The following FGD2 variants were observed in gnomAD, a reference collection of about 807,000 sequenced individuals.
FGD2 encodes the protein FYVE, RhoGEF and PH domain-containing protein 2.
In FGD2, 52 loss-of-function variants were observed where a neutral mutation model predicts 75.9. The observed-to-expected ratio is 0.69, with a 90% CI of 0.55 to 0.86. The LOEUF (loss-of-function observed/expected upper bound fraction) is 0.86, where lower values mean the gene tolerates loss of function less well. Among genes scored for constraint, FGD2 ranks in the 40% least tolerant of loss-of-function variants. The pLI, the probability that FGD2 is intolerant of heterozygous loss-of-function variation, is 0.00. For missense variants in FGD2, 790 were observed against 872.0 expected (o/e 0.91, Z 1.18); for synonymous variants, 347 against 348.6 (o/e 1.00, Z 0.05).
rs1288079879 is a variant in FGD2 at position 37,014,895 on chromosome 6, C to T, written c.886C>T (p.Arg296Trp). The change falls in exon 8 of 16, where the codon CGG (arginine) becomes TGG (tryptophan). Residue 296 changes from arginine (R) to tryptophan (W), a missense_variant. Arg to Trp is a moderately radical substitution (Grantham distance 101, BLOSUM62 -3). Transcript: ENST00000274963. ...AGGATGCACCCCAACCCCCTAGGAG[C>T]GGCTGCAGGACCTGTGGGAGGTGTA... ...HSNAAITEME[R>W]LQDLWEVYQR... 1.1e-5 allele frequency: 17 copies of T among 1,613,446 alleles called. No homozygotes were observed. Among genetic ancestry groups the T allele is most frequent in the Middle Eastern group, 1.7e-4 (1 of 6,052 alleles).
At position 37,016,433 on chromosome 6, in the gene FGD2, A is replaced by C. The variant is rs544850368; in HGVS notation, c.1122+573A>C. Among the ~76,000 whole-genome samples the C allele has an allele frequency of 2.3e-3, 357 of 152,120 alleles. 2 individuals are homozygous for C. The highest frequency in any genetic ancestry group is 7.4e-3 in the African/African-American group (306 of 41,496). ...TCCCCATCTACCTCATCCAGAGATTATGGCAAATGAGCAGGGCCAGTAGTC... is the reference window on the plus strand; with the variant it reads ...TCCCCATCTACCTCATCCAGAGATTCTGGCAAATGAGCAGGGCCAGTAGTC... On this transcript the variant is annotated intron_variant, in intron 9 of 15. Transcript: ENST00000274963.
chr6:37,013,170 C>T (rs1765107455), intron 4 of FGD2: 1 of 158,068 alleles, frequency 6.3e-6, no homozygotes, highest in African/African-American at 2.4e-5. Flanking sequence ...CTGGCCAATC[C>T]TGGAGAAGTT....
At chr6:37,020,254 T>C (rs556119040) in intron 9 of FGD2, among the ~76,000 whole-genome samples, 10 of 152,390 alleles carry the variant, frequency 6.6e-5, no homozygotes, top group African/African-American at 2.2e-4. Context: ...ATTTCCTTTT[T>C]TGTTGAATCC....
rs780756676 is a variant in FGD2 at position 37,025,876 on chromosome 6, G to A, written c.1543G>A (p.Ala515Thr). ...CAACCGAGTCTGCCTCCACTGCTAC[G>A]CATTCCTCACTGGAAATGTGCTGCC... ...RPNRVCLHCY[A>T]FLTGNVLPEA... The change falls in exon 14 of 16, where the codon GCA becomes ACA. Residue 515 changes from alanine (A) to threonine (T), a missense_variant. Coordinates refer to ENST00000274963, the MANE Select transcript of FGD2 (RefSeq NM_173558.4). 3.4e-5 allele frequency: 55 copies of A among 1,614,206 alleles called. No individual in the cohort carries two copies. The highest frequency in any genetic ancestry group is 4.5e-5 in the East Asian group (2 of 44,878).
intron 6 of FGD2, 107 bp from the exon 7 acceptor site, chr6:37,014,539 G>A (rs1053843626): frequency 3.9e-6 from 5 of 1,292,874 alleles, no homozygotes; most frequent in African/African-American, 1.5e-5. Flanking sequence ...GCTCCTGGGG[G>A]CTGTCATGGC....
chr6:37,016,281 G>T (rs1261965387), intron 9 of FGD2, among the ~76,000 whole-genome samples: 3 of 152,184 alleles, frequency 2.0e-5, no homozygotes, highest in Non-Finnish European at 4.4e-5. Context: ...GACCCCACCT[G>T]CAGGATTGTG....
chr6:37,025,113 G>C (rs548859622), intron 13 of FGD2: 1 of 152,376 alleles, frequency 6.6e-6, no homozygotes, highest in Non-Finnish European at 1.5e-5. Context: ...CCAGCCTCCC[G>C]GCATGATCCA....
At chr6:37,020,829 G>A in intron 11 of FGD2, 90 bp downstream of exon 11, 1 of 1,518,172 alleles carries the variant, frequency 6.6e-7, no homozygotes, top group East Asian at 2.5e-5. Flanking sequence ...CCTTGATGAA[G>A]CTCCTGGGAT....
At chr6:37,022,810 A>C in intron 13 of FGD2, 1 of 170,516 alleles carries the variant, frequency 5.9e-6, no homozygotes, top group Non-Finnish European at 1.3e-5. Flanking sequence ...GCTTCAACCA[A>C]TGCAGCCCAG....
rs766060049 is a variant in FGD2, at chr6:37,005,876, A to T, written c.59A>T (p.Glu20Val). 1 of 1,613,722 alleles carries T rather than the reference A, an allele frequency of 6.2e-7. No homozygotes were observed. The highest frequency in any genetic ancestry group is 8.5e-7 in the Non-Finnish European group (1 of 1,179,924). The change falls in exon 1 of 16, where the codon GAG (glutamate) becomes GTG (valine). Residue 20 changes from glutamate (E) to valine (V), a missense_variant. Coordinates refer to ENST00000274963, the MANE Select transcript of FGD2 (RefSeq NM_173558.4). ...GTGTCCAACCTGGTCACTGTGTTTG[A>T]GAATAGCAGGTATGGGCAGCTGGGG... ...ASVSNLVTVF[E>V]NSRTPEAAPR...
chr6:37,021,181 C>T (rs549475022), intron 11 of FGD2, among the ~76,000 whole-genome samples: 18 of 152,110 alleles, frequency 1.2e-4, no homozygotes, highest in African/African-American at 3.6e-4. Context: ...TGCTCCCACA[C>T]CTGCGTGTGC....
At chr6:37,021,021 T>C (rs1417783115) in intron 11 of FGD2, among the ~76,000 whole-genome samples, 1 of 150,738 alleles carries the variant, frequency 6.6e-6, no homozygotes, top group Admixed American at 6.6e-5. Context: ...TGTACATGTA[T>C]GTGTGTATGT....
intron 9 of FGD2, among the ~76,000 whole-genome samples, chr6:37,019,532 GCAA>G: frequency 6.6e-6 from 1 of 152,168 alleles, no homozygotes; most frequent in Admixed American, 6.5e-5. Context: ...GAATTTAATG[GCAA>G]CAAAGTTGCC....
At chr6:37,014,806 C>T in intron 7 of FGD2, 86 bp from the exon 8 acceptor site, 1 of 1,609,144 alleles carries the variant, frequency 6.2e-7, no homozygotes, top group Non-Finnish European at 8.5e-7. Flanking sequence ...ACTGTTACCC[C>T]CCAGTCCCCG....
Position 37,011,001 on chromosome 6 carries a change from T to C in FGD2, c.329T>C (p.Leu110Pro). 1 of 1,614,186 alleles carries C rather than the reference T, an allele frequency of 6.2e-7. No homozygotes were observed. The highest frequency in any genetic ancestry group is 1.1e-5 in the South Asian group (1 of 91,082). Residue 110 changes from leucine to proline, a missense_variant, in exon 3 of 16, where the codon CTG becomes CCG. Physicochemically the swap from Leu to Pro is moderately conservative, Grantham distance 98. Transcript: ENST00000274963. ...CCAGAGAAGAAGATCGTCCAGGAGC[T>C]GCTGGAGACAGAGCAGGCCTATGTG... ...QEPEKKIVQELLETEQAYVAR... is the reference protein window; with the variant it reads ...QEPEKKIVQEPLETEQAYVAR...
At chr6:37,020,644 C>T (rs1237444733) in intron 10 of FGD2, 24 bp downstream of exon 10, 1 of 1,590,358 alleles carries the variant, frequency 6.3e-7, no homozygotes, top group Admixed American at 1.8e-5. Flanking sequence ...GGTGGCGGCC[C>T]AGGGCCAGGC....
Position 37,020,559 on chromosome 6 carries a change from G to T in FGD2, c.1141G>T (p.Ala381Ser). ...AGMKVRELMD[A>S]EFPHSFLVSG... ...TTGGCAGGTGCGGGAGCTGATGGATGCTGAGTTTCCCCACTCCTTCCTGGT... is the reference window on the plus strand; with the variant it reads ...TTGGCAGGTGCGGGAGCTGATGGATTCTGAGTTTCCCCACTCCTTCCTGGT... The change falls in exon 10 of 16, where the codon GCT (alanine) becomes TCT (serine). Residue 381 changes from alanine (A) to serine (S), a missense_variant. Coordinates refer to ENST00000274963, the MANE Select transcript of FGD2 (RefSeq NM_173558.4). The T allele has an allele frequency of 1.2e-6, 2 of 1,608,146 alleles. No individual in the cohort carries two copies. Among genetic ancestry groups the T allele is most frequent in the Non-Finnish European group, 1.7e-6 (2 of 1,178,176 alleles).
intron 13 of FGD2, chr6:37,024,857 C>A (rs1765744156): frequency 6.6e-6 from 1 of 152,360 alleles, no homozygotes; most frequent in Non-Finnish European, 1.5e-5. Context: ...AGACGGGAAT[C>A]CTTGTGAGGG....
intron 1 of FGD2, 142 bp downstream of exon 1, chr6:37,006,027 G>C (rs998094939): frequency 1.1e-6 from 1 of 910,134 alleles, no homozygotes; most frequent in South Asian, 1.6e-5. Flanking sequence ...GGATTCCTTG[G>C]AGCATGGGAG....
Sources: allele counts gnomAD v4.1 joint callset (sites outside exome capture counted in the v4.1 genomes callset), GRCh38; gene constraint gnomAD v4.1.1; transcripts MANE v1.5; gene names NCBI Gene and HGNC (gene_info 2026-07-23, HGNC 2026-07-21).